Variants in SUCLA2 observed in about 807,000 individuals in gnomAD.
The protein encoded by SUCLA2 is succinate-CoA ligase ADP-forming subunit beta.
SUCLA2 carries 30 observed loss-of-function variants against 54.8 expected under a neutral mutation model. The observed-to-expected ratio is 0.55, with a 90% CI of 0.41 to 0.74. SUCLA2 has a LOEUF of 0.74. SUCLA2 is among the 30% of genes least tolerant of loss of function. The pLI is 0.00. For synonymous variants in SUCLA2, 172 were observed against 188.9 expected (o/e 0.91, Z 0.74); for missense variants, 476 against 562.9 (o/e 0.85, Z 1.56).
chr13:47,960,715 A>G (rs538383390), intron 6 of SUCLA2, among the ~76,000 whole-genome samples: 28 of 152,260 alleles, frequency 1.8e-4, no homozygotes, highest in South Asian at 4.1e-4. Flanking sequence ...AAAAAAAAAA[A>G]AGAGAGACTT....
chr13:47,993,772 C>A (rs1379884237), intron 2 of SUCLA2, among the ~76,000 whole-genome samples: 3 of 152,168 alleles, frequency 2.0e-5, no homozygotes, highest in Admixed American at 2.0e-4. Flanking sequence ...GTGGCTCACG[C>A]CTATTGTAAT....
intron 1 of SUCLA2, 58 bp downstream of exon 1, chr13:48,001,122 C>T (rs1950227762): frequency 1.9e-6 from 3 of 1,559,576 alleles, no homozygotes; most frequent in Non-Finnish European, 2.6e-6. Flanking sequence ...CGGGACCCCT[C>T]ACACCTCACC....
At position 47,972,471 on chromosome 13, in the gene SUCLA2, C is replaced by A. The variant is rs141846106; in HGVS notation, c.663+793G>T. 4.8e-3 allele frequency among the ~76,000 whole-genome samples: 729 copies of A among 151,832 alleles called. 3 individuals carry two copies. Among genetic ancestry groups the A allele is most frequent in the African/African-American group, 0.016 (683 of 41,460 alleles). ...ATCACCTGAGGTCAGGAGTTCGAGACCAACCTGATCAACAAGATGAAACTC... is the reference window on the plus strand; with the variant it reads ...ATCACCTGAGGTCAGGAGTTCGAGAACAACCTGATCAACAAGATGAAACTC... On this transcript the variant is annotated intron_variant, in intron 5 of 10. Transcript: ENST00000646932.
intron 1 of SUCLA2, among the ~76,000 whole-genome samples, chr13:47,998,849 A>C (rs1179341626): frequency 6.6e-6 from 1 of 152,234 alleles, no homozygotes; most frequent in Non-Finnish European, 1.5e-5. Context: ...CATAAAAATT[A>C]ATCTAGCTAT....
intron 2 of SUCLA2, among the ~76,000 whole-genome samples, chr13:47,995,452 T>C (rs1340875210): frequency 6.6e-6 from 1 of 152,200 alleles, no homozygotes; most frequent in Admixed American, 6.5e-5. Context: ...TGAAAAATCA[T>C]GCTTCCAAGT....
At chr13:47,971,579 A>C in intron 5 of SUCLA2, 6 of 260,988 alleles carry the variant, frequency 2.3e-5, no homozygotes, top group Non-Finnish European at 3.5e-5. Flanking sequence ...ATGGAGGGGA[A>C]GCAGCACACA....
chr13:47,963,917 T>G (rs1421640586), intron 6 of SUCLA2, among the ~76,000 whole-genome samples: 1 of 152,176 alleles, frequency 6.6e-6, no homozygotes, highest in African/African-American at 2.4e-5. Context: ...AAGATAATCC[T>G]GGAATATCTT....
chr13:47,994,706 T>C, intron 2 of SUCLA2: 1 of 366,722 alleles, frequency 2.7e-6, no homozygotes, highest in Non-Finnish European at 3.8e-6. Flanking sequence ...CCTCCCACAC[T>C]ATAATCATCA....
chr13:47,954,637 T>C, intron 6 of SUCLA2, 80 bp from the exon 7 acceptor site: 1 of 1,434,320 alleles, frequency 7.0e-7, no homozygotes. Flanking sequence ...TGGTCTTTCA[T>C]TTAGGGAAAA....
At chr13:47,995,051 A>C (rs1950179984) in intron 2 of SUCLA2, among the ~76,000 whole-genome samples, 1 of 152,336 alleles carries the variant, frequency 6.6e-6, no homozygotes, top group African/African-American at 2.4e-5. Context: ...AACTAGTTAA[A>C]GAAACCAATT....
Position 47,968,592 on chromosome 13 carries a change from T to C in SUCLA2, c.802+3A>G, listed in dbSNP as rs2137715478. ...TCATGTTAGACAAAAGAAGATACTT[T>C]ACCAGCTCCATCTGAATCTTCCACC... On this transcript the variant is annotated splice_donor_region_variant and intron_variant, in intron 6 of 10. Coordinates refer to ENST00000646932, the MANE Select transcript of SUCLA2 (RefSeq NM_003850.3). 1 of 1,611,574 alleles carries C rather than the reference T, an allele frequency of 6.2e-7. No individual in the cohort carries two copies. Among genetic ancestry groups the C allele is most frequent in the Non-Finnish European group, 8.5e-7 (1 of 1,179,698 alleles).
At chr13:47,994,142 A>C (rs1427458682) in intron 2 of SUCLA2, among the ~76,000 whole-genome samples, 1 of 152,112 alleles carries the variant, frequency 6.6e-6, no homozygotes, top group Non-Finnish European at 1.5e-5. Context: ...AATCACCCTG[A>C]AGTAATGAAA....
chr13:47,975,643 G>GA (rs1173132380), intron 4 of SUCLA2, among the ~76,000 whole-genome samples: 3 of 151,938 alleles, frequency 2.0e-5, no homozygotes, highest in Non-Finnish European at 4.4e-5. Flanking sequence ...TTTTATTTAG[G>GA]AAAAAAATGA....
intron 1 of SUCLA2, 93 bp downstream of exon 1, chr13:48,001,087 G>A (rs1353554804): frequency 2.6e-6 from 4 of 1,530,090 alleles, no homozygotes; most frequent in South Asian, 1.2e-5. Context: ...TGTCACTGCC[G>A]GCGAAGTGAC....
chr13:48,000,753 C>T, intron 1 of SUCLA2: 1 of 644,544 alleles, frequency 1.6e-6, no homozygotes, highest in Non-Finnish European at 1.9e-6. Flanking sequence ...CTCTGACATT[C>T]CCACCTATGA....
intron 6 of SUCLA2, among the ~76,000 whole-genome samples, chr13:47,958,408 T>C (rs1949838810): frequency 6.6e-6 from 1 of 152,224 alleles, no homozygotes; most frequent in African/African-American, 2.4e-5. Flanking sequence ...CTTATTGTTA[T>C]ATGTTGTGTC....
intron 6 of SUCLA2, among the ~76,000 whole-genome samples, chr13:47,964,036 T>C (rs1346311805): frequency 1.3e-5 from 2 of 152,198 alleles, no homozygotes; most frequent in Non-Finnish European, 2.9e-5. Context: ...AGCAGCTTGT[T>C]GGTAATAGAA....
intron 6 of SUCLA2, among the ~76,000 whole-genome samples, chr13:47,958,285 A>G (rs9567960): frequency 6.6e-6 from 1 of 152,008 alleles, no homozygotes; most frequent in Admixed American, 6.6e-5. Flanking sequence ...ACCATGTAAA[A>G]TCAGTGAGTT....
chr13:47,993,885 A>G (rs1441951073), intron 2 of SUCLA2, among the ~76,000 whole-genome samples: 1 of 151,926 alleles, frequency 6.6e-6, no homozygotes, highest in East Asian at 1.9e-4. Flanking sequence ...AAAATACAAA[A>G]TTAGCCGGGG....
Sources: allele counts gnomAD v4.1 joint callset (sites outside exome capture counted in the v4.1 genomes callset), GRCh38; gene constraint gnomAD v4.1.1; transcripts MANE v1.5; gene names NCBI Gene and HGNC (gene_info 2026-07-23, HGNC 2026-07-21).